The following SPATA21 variants were observed in gnomAD, a reference collection of about 807,000 sequenced individuals.
SPATA21 encodes the protein spermatogenesis-associated protein 21.
In SPATA21, 47 loss-of-function variants were observed where a neutral mutation model predicts 54.8. The observed-to-expected ratio is 0.86, with a 90% CI of 0.68 to 1.09. The LOEUF (loss-of-function observed/expected upper bound fraction) is 1.09. Among genes scored for constraint, SPATA21 ranks in the 50% least tolerant of loss-of-function variants. The probability of loss-of-function intolerance (pLI) is 0.00; values close to 1 mark genes in which losing one functional copy is unlikely to be tolerated. For synonymous variants in SPATA21, 245 were observed against 235.3 expected, an observed-to-expected ratio of 1.04 and a Z score of -0.38; for missense variants, 599 against 596.4, an observed-to-expected ratio of 1.00 and a Z score of -0.05.
chr1:16,419,284 C>T (rs2086104647), intron 5 of SPATA21, among the ~76,000 whole-genome samples: 1 of 152,142 alleles, frequency 6.6e-6, no homozygotes, highest in Non-Finnish European at 1.5e-5. Flanking sequence ...TATCCAAGGG[C>T]TGGAGGTTAG....
intron 5 of SPATA21, among the ~76,000 whole-genome samples, chr1:16,412,084 C>T (rs928848614): frequency 3.3e-5 from 5 of 152,178 alleles, no homozygotes; most frequent in African/African-American, 1.2e-4. Flanking sequence ...CCGCCCCTCA[C>T]TGGCTGCTCT....
chr1:16,422,946 C>G (rs1456979885), intron 3 of SPATA21, among the ~76,000 whole-genome samples: 1 of 152,124 alleles, frequency 6.6e-6, no homozygotes, highest in Non-Finnish European at 1.5e-5. Flanking sequence ...AGGTGGATCA[C>G]TTGAAGTCAG....
intron 5 of SPATA21, among the ~76,000 whole-genome samples, chr1:16,414,646 G>A (rs1018777873): frequency 1.5e-4 from 22 of 151,362 alleles, no homozygotes; most frequent in African/African-American, 5.1e-4. Flanking sequence ...TGTAATCCCA[G>A]CACTCTGGGA....
intron 12 of SPATA21, 23 bp from the exon 13 acceptor site, chr1:16,398,845 A>C (rs777916737): frequency 9.9e-6 from 16 of 1,608,458 alleles, no homozygotes; most frequent in African/African-American, 9.4e-5. Flanking sequence ...GTAGGGCAGA[A>C]GGGTGGGAGA....
chr1:16,410,489 C>A (rs988496418), intron 5 of SPATA21, among the ~76,000 whole-genome samples: 1 of 151,916 alleles, frequency 6.6e-6, no homozygotes, highest in African/African-American at 2.4e-5. Context: ...TGGCTCACAG[C>A]AACCTCCACC....
chr1:16,434,900 C>G (rs1570234750), intron 1 of SPATA21, among the ~76,000 whole-genome samples: 1 of 152,064 alleles, frequency 6.6e-6, no homozygotes. Flanking sequence ...CTTTATCACC[C>G]AGGATGGAGT....
chr1:16,425,823 G>T, intron 3 of SPATA21: 1 of 1,117,568 alleles, frequency 8.9e-7, no homozygotes. Flanking sequence ...TAGGTGCATA[G>T]CTAACGCCTG....
chr1:16,421,950 A>G lies in SPATA21; in HGVS notation c.56T>C (p.Phe19Ser), dbSNP rs1207759320. Residue 19 changes from phenylalanine to serine, a missense_variant, in exon 4 of 13, where the codon TTC becomes TCC. Transcript: ENST00000335496. The surrounding 1 kb of genome is among the most constrained non-coding windows in gnomAD (Gnocchi z 5.2). Reference sequence around the variant, plus strand: ...TTTAGGTCCAGGCGTGGATGGCAGGAAGGGGTTGACTGTCTTTTCCTCTGG... The same window carrying G: ...TTTAGGTCCAGGCGTGGATGGCAGGGAGGGGTTGACTGTCTTTTCCTCTGG... The part of the protein sequence containing the change: ...YTEEEKTVNP[F>S]LPSTPGPKKA... The G allele has an allele frequency of 6.2e-7, 1 of 1,614,016 alleles. No individual in the cohort carries two copies. Among genetic ancestry groups the G allele is most frequent in the African/African-American group, 1.3e-5 (1 of 74,904 alleles).
chr1:16,405,473 T>C (rs1326232622), intron 7 of SPATA21, among the ~76,000 whole-genome samples: 1 of 127,302 alleles, frequency 7.9e-6, no homozygotes, highest in Non-Finnish European at 1.6e-5. Context: ...GGAGACCCCA[T>C]CTCTAATAAA....
intron 10 of SPATA21, among the ~76,000 whole-genome samples, chr1:16,402,795 A>G (rs933177661): frequency 6.6e-6 from 1 of 151,902 alleles, no homozygotes; most frequent in Admixed American, 6.6e-5. Flanking sequence ...GCATGGTGGC[A>G]CGCGCCTGTA....
Position 16,421,518 on chromosome 1 carries a change from A to G in SPATA21, c.135T>C (p.Leu45=). The G allele has an allele frequency of 8.7e-6, 14 of 1,613,060 alleles. No individual in the cohort carries two copies. Among genetic ancestry groups the G allele is most frequent in the Non-Finnish European group, 1.2e-5 (14 of 1,179,684 alleles). Residue 45 remains leucine (L), a synonymous_variant, in exon 5 of 13, where the codon CTT becomes CTC. Coordinates refer to ENST00000335496, the MANE Select transcript of SPATA21 (RefSeq NM_198546.1). This position sits in a 1 kb window ranked among gnomAD's most constrained non-coding sequence, Gnocchi z 5.2. ...AVETHPAPGP[L]PPPEVRDIGE... is the part of the protein sequence containing the mutation. ...CTATGGCCCTACTTACTGGTGGAGG[A>G]AGAGGCCCCGGTGCTGGGTGGGTCT...
In SPATA21 at chr1:16,407,754, G is replaced by A. The variant is rs535415258; in HGVS notation, c.673+1364C>T. 4.7e-5 allele frequency among the ~76,000 whole-genome samples: 7 copies of A among 149,656 alleles called. No homozygotes were observed. In the South Asian group the frequency reaches 6.4e-4, roughly 14 times the overall value. On this transcript the variant is annotated intron_variant, in intron 7 of 12. Coordinates refer to ENST00000335496, the MANE Select transcript of SPATA21 (RefSeq NM_198546.1). ...ATTACAGGTGTGAACCACTGCTCCCGGTTGGAGTTGTATATTATTTTATTT... is the reference window on the plus strand; with the variant it reads ...ATTACAGGTGTGAACCACTGCTCCCAGTTGGAGTTGTATATTATTTTATTT...
At chr1:16,413,220 C>T (rs894114259) in intron 5 of SPATA21, among the ~76,000 whole-genome samples, 1 of 152,206 alleles carries the variant, frequency 6.6e-6, no homozygotes, top group African/African-American at 2.4e-5. Context: ...ACCATTTCCA[C>T]CTCCTGTCTC....
At chr1:16,414,785 G>T (rs935565971) in intron 5 of SPATA21, among the ~76,000 whole-genome samples, 1 of 151,072 alleles carries the variant, frequency 6.6e-6, no homozygotes, top group Non-Finnish European at 1.5e-5. Context: ...CCAGCTACTC[G>T]GGAAGGCTGA....
intron 3 of SPATA21, among the ~76,000 whole-genome samples, chr1:16,422,706 C>T (rs2086206643): frequency 6.6e-6 from 1 of 152,030 alleles, no homozygotes; most frequent in African/African-American, 2.4e-5. Context: ...TGAGGTCTCA[C>T]TATGTTGCTC....
In SPATA21 at chr1:16,421,614, CT is replaced by C; in HGVS notation, c.96-58del. 2 of 1,539,778 alleles carry C rather than the reference CT, an allele frequency of 1.3e-6. No individual in the cohort carries two copies. Among genetic ancestry groups the C allele is most frequent in the Admixed American group, 1.9e-5 (1 of 53,296 alleles). On this transcript the variant is annotated intron_variant, in intron 4 of 12. Coordinates refer to ENST00000335496, the MANE Select transcript of SPATA21 (RefSeq NM_198546.1). This position sits in a 1 kb window ranked among gnomAD's most constrained non-coding sequence, Gnocchi z 5.2. ...AGCGCTCAGCTGAAGGTTTGCCCCCCTGCCCTCCCCTCTCAGCCCCCAGGAC... is the reference window on the plus strand; with the variant it reads ...AGCGCTCAGCTGAAGGTTTGCCCCCCGCCCTCCCCTCTCAGCCCCCAGGAC...
chr1:16,407,424 G>A (rs2085677399), intron 7 of SPATA21, among the ~76,000 whole-genome samples: 1 of 152,054 alleles, frequency 6.6e-6, no homozygotes, highest in South Asian at 2.1e-4. Flanking sequence ...ACTTAGGAAG[G>A]TGGCTAGGGA....
intron 3 of SPATA21, chr1:16,424,951 T>G (rs1280354446): frequency 7.0e-6 from 2 of 285,808 alleles, no homozygotes; most frequent in Non-Finnish European, 1.4e-5. Flanking sequence ...GGAGTTTTGC[T>G]CTCATTGCCC....
chr1:16,400,594 C>T lies in SPATA21; in HGVS notation c.1174+126G>A, dbSNP rs548720975. 1.1e-5 allele frequency: 16 copies of T among 1,494,666 alleles called. No individual in the cohort carries two copies. The South Asian group carries it at 1.1e-4, about 10-fold the overall frequency. The allele number at this position is 1,494,666 out of a possible 1,614,324, so 92.6% of individuals were successfully genotyped here. A position where few individuals can be genotyped will look rare whatever the true frequency, so the allele number is the denominator to read the frequency against. Reference sequence around the variant, plus strand: ...GTTTTCTGATGTACACAGTTAAGCCCGAAGTGGGAAACTGGCCTCTCAGCT... The same window carrying T: ...GTTTTCTGATGTACACAGTTAAGCCTGAAGTGGGAAACTGGCCTCTCAGCT... On this transcript the variant is annotated intron_variant, in intron 11 of 12. Transcript: ENST00000335496.
Sources: allele counts gnomAD v4.1 joint callset (sites outside exome capture counted in the v4.1 genomes callset), GRCh38; gene constraint gnomAD v4.1.1; non-coding constraint Gnocchi (gnomAD v3.1); transcripts MANE v1.5; gene names NCBI Gene and HGNC (gene_info 2026-07-23, HGNC 2026-07-21).